MTMR7: variants seen among roughly 807,000 people sequenced by gnomAD.
MTMR7 encodes phosphatidylinositol-3-phosphate phosphatase MTMR7.
Under a neutral mutation model 81.2 loss-of-function variants are expected in MTMR7, and 76 were observed. The observed-to-expected ratio is 0.94, with a 90% confidence interval of 0.78 to 1.13. MTMR7 has a LOEUF of 1.13. Among genes scored for constraint, MTMR7 ranks in the 50% most tolerant of loss-of-function variants. MTMR7 has a pLI of 0.00. For synonymous variants in MTMR7, 372 were observed against 289.8 expected, an observed-to-expected ratio of 1.28 and a Z score of -2.88; for missense variants, 1,044 against 820.0, an observed-to-expected ratio of 1.27 and a Z score of -3.34.
intron 5 of MTMR7, 124 bp from the exon 6 acceptor site, chr8:17,341,621 C>T (rs998419093): frequency 1.7e-6 from 2 of 1,165,026 alleles, no homozygotes; most frequent in South Asian, 1.6e-5. Context: ...CTTATGAAAA[C>T]GTGATACAGC....
chr8:17,413,321 C>G lies in MTMR7; in HGVS notation c.-29G>C. The G allele has an allele frequency of 2.0e-6, 3 of 1,526,734 alleles. No individual in the cohort carries two copies. The highest frequency in any genetic ancestry group is 8.8e-7 in the Non-Finnish European group (1 of 1,135,896). The allele number at this position is 1,526,734 out of a possible 1,614,324, so 94.6% of individuals were successfully genotyped here. On this transcript the variant is annotated 5_prime_UTR_variant, in exon 1 of 14. Coordinates refer to ENST00000180173, the MANE Select transcript of MTMR7 (RefSeq NM_004686.5). ...TGGCCCACGTCTGCAGGGTCCCGGG[C>G]GGGCGCGGCCTCACGCACCTGCGCG...
At chr8:17,409,021 A>G (rs577651283) in intron 1 of MTMR7, among the ~76,000 whole-genome samples, 2 of 152,330 alleles carry the variant, frequency 1.3e-5, no homozygotes, top group Non-Finnish European at 2.9e-5. Flanking sequence ...TATGTTTCAT[A>G]TATATCTCAC....
intron 1 of MTMR7, among the ~76,000 whole-genome samples, chr8:17,383,888 G>C (rs1347957795): frequency 6.6e-6 from 1 of 152,078 alleles, no homozygotes; most frequent in African/African-American, 2.4e-5. Flanking sequence ...GAACCATGCA[G>C]GAACCAAGCC....
At chr8:17,384,327 T>C (rs1820860079) in intron 1 of MTMR7, among the ~76,000 whole-genome samples, 1 of 152,056 alleles carries the variant, frequency 6.6e-6, no homozygotes, top group Non-Finnish European at 1.5e-5. Context: ...GGGCAGATGG[T>C]TTGAGCCCAG....
Position 17,298,422 on chromosome 8 carries a change from CAATT to C in MTMR7, c.*1436_*1439del, listed in dbSNP as rs1185464914. On this transcript the variant is annotated 3_prime_UTR_variant, in exon 14 of 14. Transcript: ENST00000180173. ...TCTATATTTTTAAATATGATGAACA[CAATT>C]AAATGTTTTCATTTATATATATTGC... 1 of 152,068 alleles carries C rather than the reference CAATT, an allele frequency of 6.6e-6. No homozygotes were observed. The highest frequency in any genetic ancestry group is 2.4e-5 in the African/African-American group (1 of 41,382). 9.4% of individuals were successfully genotyped at this position (152,068 alleles called of 1,614,324 possible).
intron 2 of MTMR7, among the ~76,000 whole-genome samples, chr8:17,372,364 T>C (rs1820444983): frequency 6.6e-6 from 1 of 152,090 alleles, no homozygotes; most frequent in Admixed American, 6.5e-5. Flanking sequence ...GCAGATCACT[T>C]GAGGTCAGGT....
chr8:17,382,355 T>A (rs530408285), intron 1 of MTMR7, among the ~76,000 whole-genome samples: 3 of 152,278 alleles, frequency 2.0e-5, no homozygotes, highest in African/African-American at 7.2e-5. Context: ...TCCTTCCCCA[T>A]CTCGAGCTCT....
chr8:17,300,767 T>A (rs1026146571), intron 13 of MTMR7, among the ~76,000 whole-genome samples: 1 of 152,210 alleles, frequency 6.6e-6, no homozygotes, highest in Admixed American at 6.6e-5. Flanking sequence ...AGCAGTCATT[T>A]CCCATTCCTA....
chr8:17,316,456 C>T (rs1421440052), intron 7 of MTMR7, among the ~76,000 whole-genome samples: 1 of 122,348 alleles, frequency 8.2e-6, no homozygotes, highest in Admixed American at 8.7e-5. Flanking sequence ...TATTTACAAA[C>T]AGTACAGTAA....
chr8:17,402,597 CT>C (rs954293057), intron 1 of MTMR7, among the ~76,000 whole-genome samples: 3 of 152,184 alleles, frequency 2.0e-5, no homozygotes, highest in Non-Finnish European at 2.9e-5. Context: ...GGATCTCCTC[CT>C]TTTTTATGCC....
intron 11 of MTMR7, 92 bp from the exon 12 acceptor site, chr8:17,304,611 T>C (rs1586138313): frequency 7.2e-7 from 1 of 1,393,720 alleles, no homozygotes; most frequent in African/African-American, 1.4e-5. Context: ...AACTAATAAT[T>C]GTTACCTGAA....
intron 3 of MTMR7, among the ~76,000 whole-genome samples, chr8:17,364,645 T>A (rs1820169410): frequency 6.6e-6 from 1 of 152,210 alleles, no homozygotes; most frequent in African/African-American, 2.4e-5. Context: ...CTGTCATAGA[T>A]CCCACATGTA....
intron 7 of MTMR7, among the ~76,000 whole-genome samples, chr8:17,319,238 C>A (rs1423298420): frequency 6.6e-6 from 1 of 152,184 alleles, no homozygotes; most frequent in Non-Finnish European, 1.5e-5. Flanking sequence ...GCCTCGCTGT[C>A]TTCAAATATA....
At chr8:17,307,900 G>T (rs985875859) in intron 10 of MTMR7, among the ~76,000 whole-genome samples, 1 of 151,622 alleles carries the variant, frequency 6.6e-6, no homozygotes, top group East Asian at 1.9e-4. Context: ...GGTGGCGGGA[G>T]GGGGGAGGGA....
intron 1 of MTMR7, among the ~76,000 whole-genome samples, chr8:17,407,319 A>G (rs1283463892): frequency 6.6e-6 from 1 of 152,198 alleles, no homozygotes; most frequent in Non-Finnish European, 1.5e-5. Context: ...TTAAATTAGC[A>G]AAAAATAACC....
intron 1 of MTMR7, among the ~76,000 whole-genome samples, chr8:17,374,352 G>T (rs567751354): frequency 2.6e-5 from 4 of 152,160 alleles, no homozygotes; most frequent in Non-Finnish European, 5.9e-5. Context: ...GCCGGGAGCG[G>T]TGGCTCACGC....
chr8:17,408,921 TAC>T (rs2150589211), intron 1 of MTMR7, among the ~76,000 whole-genome samples: 2 of 152,328 alleles, frequency 1.3e-5, no homozygotes, highest in African/African-American at 4.8e-5. Flanking sequence ...TATGTAAATA[TAC>T]TAAAACCACT....
chr8:17,299,991 T>G lies in MTMR7; in HGVS notation c.1854A>C (p.Ser618=). 1 of 1,614,142 alleles carries G rather than the reference T, an allele frequency of 6.2e-7. No homozygotes were observed. The highest frequency in any genetic ancestry group is 8.5e-7 in the Non-Finnish European group (1 of 1,180,014). ...CCCCGGACTCTTGGTCACTGTTGGC[T>G]GACAGATCTGGATCTGAACTTTTCA... ...DNLKSSDPDL[S]ANSDQESGVE... is the part of the protein sequence containing the mutation. Residue 618 remains serine (S), a synonymous_variant, in exon 14 of 14, where the codon TCA becomes TCC. Coordinates refer to ENST00000180173, the MANE Select transcript of MTMR7 (RefSeq NM_004686.5).
chr8:17,336,761 C>A (rs1043268359), intron 6 of MTMR7, among the ~76,000 whole-genome samples: 2 of 152,178 alleles, frequency 1.3e-5, no homozygotes, highest in East Asian at 3.9e-4. Context: ...CCTCCGCTGG[C>A]CCTGGCTGCG....
Sources: allele counts gnomAD v4.1 joint callset (sites outside exome capture counted in the v4.1 genomes callset), GRCh38; gene constraint gnomAD v4.1.1; transcripts MANE v1.5; gene names NCBI Gene and HGNC (gene_info 2026-07-23, HGNC 2026-07-21).